Variants in PAX2 observed in about 807,000 individuals in gnomAD.
The protein encoded by PAX2 is paired box protein Pax-2.
A neutral mutation model predicts 41.7 loss-of-function variants in PAX2; 9 were observed. The ratio of observed to expected loss-of-function variants is 0.22; its 90% CI spans 0.13 to 0.38. The LOEUF is 0.38. PAX2 is among the 10% of genes least tolerant of loss of function. The pLI, the probability that PAX2 is intolerant of heterozygous loss-of-function variation, is 1.00. For missense variants in PAX2, 418 were observed against 531.6 expected (o/e 0.79, Z 2.10); for synonymous variants, 221 against 212.7 (o/e 1.04, Z -0.34).
intron 7 of PAX2, among the ~76,000 whole-genome samples, chr10:100,810,660 A>G (rs944731233): frequency 2.6e-5 from 4 of 152,230 alleles, no homozygotes; most frequent in Admixed American, 2.6e-4. Context: ...CACTTCCCAA[A>G]GATGGCCACT....
rs1845158221 is a variant in PAX2 at position 100,746,110 on chromosome 10, C to T, written c.-151C>T. 2.6e-6 allele frequency: 4 copies of T among 1,531,744 alleles called. No homozygotes were observed. The highest frequency in any genetic ancestry group is 3.5e-6 in the Non-Finnish European group (4 of 1,143,074). The allele number at this position is 1,531,744 out of a possible 1,614,324, so 94.9% of individuals were successfully genotyped here. A position where few individuals can be genotyped will look rare whatever the true frequency, so the allele number is the denominator to read the frequency against. The stretch of plus-strand genomic sequence containing the variant: ...AGCCCCAGCGGGGAGCGCAGTGCTG[C>T]GCCCCCCGCCCCCGCGCGCCCCGCA... On this transcript the variant is annotated 5_prime_UTR_variant, in exon 1 of 10. Transcript: ENST00000355243.
rs1278790529 is a variant in PAX2, at chr10:100,828,740, C to T, written c.*1121C>T. On this transcript the variant is annotated 3_prime_UTR_variant, in exon 10 of 10. Transcript: ENST00000355243. This position sits in a 1 kb window ranked among gnomAD's most constrained non-coding sequence, Gnocchi z 6.5. Reference sequence around the variant, plus strand: ...CTGCCCACTCCACTCCTCCCATCCCCTCCCAGCCTCCTCCTCCGGCAGGAA... The same window carrying T: ...CTGCCCACTCCACTCCTCCCATCCCTTCCCAGCCTCCTCCTCCGGCAGGAA... 1.7e-5 allele frequency: 4 copies of T among 233,558 alleles called. No homozygotes were observed. In the East Asian group the frequency reaches 2.4e-4, roughly 14 times the overall value. 14.5% of individuals were successfully genotyped at this position (233,558 alleles called of 1,614,324 possible). A position where few individuals can be genotyped will look rare whatever the true frequency, so the allele number is the denominator to read the frequency against.
intron 3 of PAX2, among the ~76,000 whole-genome samples, chr10:100,757,306 G>A (rs1845669145): frequency 6.6e-6 from 1 of 152,228 alleles, no homozygotes; most frequent in Admixed American, 6.5e-5. Context: ...AGATCAATTG[G>A]CAAGTAGTCA....
rs778923367 is a variant in PAX2 at position 100,824,685 on chromosome 10, C to T, written c.957C>T (p.Pro319=). 2 of 1,610,768 alleles carry T rather than the reference C, an allele frequency of 1.2e-6. No homozygotes were observed. The highest frequency in any genetic ancestry group is 1.7e-6 in the Non-Finnish European group (2 of 1,176,950). ...CGAGCACCACTCTGCCTGGTTACCC[C>T]CCTCACGTGCCCCCCACTGGCCAGG... is the stretch of plus-strand genomic sequence containing the variant. ...DMASTTLPGY[P]PHVPPTGQGS... Residue 319 remains proline (P), a synonymous_variant, in exon 8 of 10, where the codon CCC becomes CCT. Transcript: ENST00000355243. This position sits in a 1 kb window ranked among gnomAD's most constrained non-coding sequence, Gnocchi z 6.6.
At chr10:100,786,911 C>T (rs1458861636) in intron 5 of PAX2, 1 of 1,310,570 alleles carries the variant, frequency 7.6e-7, no homozygotes. Context: ...TTCGGGATCT[C>T]TCAGTGTTTG....
chr10:100,795,620 G>A (rs1024733132), intron 5 of PAX2, among the ~76,000 whole-genome samples: 5 of 152,222 alleles, frequency 3.3e-5, no homozygotes, highest in Non-Finnish European at 7.3e-5. Flanking sequence ...TCCAGAGCCT[G>A]ATCCTGAATT....
At chr10:100,766,994 G>T (rs1313465600) in intron 3 of PAX2, among the ~76,000 whole-genome samples, 1 of 152,178 alleles carries the variant, frequency 6.6e-6, no homozygotes, top group Non-Finnish European at 1.5e-5. Flanking sequence ...CTCCAACTCA[G>T]TGTTACACAA....
At chr10:100,816,872 C>T (rs1848203631) in intron 7 of PAX2, among the ~76,000 whole-genome samples, 1 of 152,178 alleles carries the variant, frequency 6.6e-6, no homozygotes, top group East Asian at 1.9e-4. Context: ...GGAGAACAGC[C>T]TAATGCTGCA....
chr10:100,787,932 C>T (rs958857172), intron 5 of PAX2, among the ~76,000 whole-genome samples: 3 of 151,948 alleles, frequency 2.0e-5, no homozygotes, highest in African/African-American at 7.3e-5. Context: ...TGTTCCACTC[C>T]ACAGCTATCT....
chr10:100,780,740 CCA>C (rs1227726162), intron 4 of PAX2, among the ~76,000 whole-genome samples: 3 of 152,138 alleles, frequency 2.0e-5, no homozygotes, highest in Non-Finnish European at 4.4e-5. Context: ...TCTTAGAAAG[CCA>C]CAGACTCTAA....
At position 100,823,524 on chromosome 10, in the gene PAX2, C is replaced by T. The variant is rs139684154; in HGVS notation, c.920-1124C>T. On this transcript the variant is annotated intron_variant, in intron 7 of 9. Coordinates refer to ENST00000355243, the MANE Select transcript of PAX2 (RefSeq NM_000278.5). ...GCCCAGCTGATGAAAAGAAAGTGAA[C>T]GGGCCCAGGTATGCATAGTTCTGTT... Among the ~76,000 whole-genome samples, 20 of 152,158 alleles carry T rather than the reference C, an allele frequency of 1.3e-4. No individual in the cohort carries two copies. The East Asian group carries it at 3.7e-3, about 28-fold the overall frequency.
rs368829432 is a variant in PAX2, at chr10:100,824,196, G to A, written c.920-452G>A. Among the ~76,000 whole-genome samples the A allele has an allele frequency of 5.9e-5, 9 of 152,218 alleles. No individual in the cohort carries two copies. The East Asian group carries it at 1.7e-3, about 29-fold the overall frequency. On this transcript the variant is annotated intron_variant, in intron 7 of 9. Coordinates refer to ENST00000355243, the MANE Select transcript of PAX2 (RefSeq NM_000278.5). This position sits in a 1 kb window ranked among gnomAD's most constrained non-coding sequence, Gnocchi z 6.6. ...TCCAAGCCTGAAGGAAAGATGGGGTGTTAGGGAGAGGAAAGATAAGCAAGA... is the reference window on the plus strand; with the variant it reads ...TCCAAGCCTGAAGGAAAGATGGGGTATTAGGGAGAGGAAAGATAAGCAAGA...
chr10:100,747,987 A>G lies in PAX2; in HGVS notation c.43+1684A>G, dbSNP rs533033731. On this transcript the variant is annotated intron_variant, in intron 1 of 9. Transcript: ENST00000355243. Reference sequence around the variant, plus strand: ...GGCCAAGCAGAGGTCGGAGGGAGAGAGCCGCAGCGCGGGCCCGCGGGCCGG... The same window carrying G: ...GGCCAAGCAGAGGTCGGAGGGAGAGGGCCGCAGCGCGGGCCCGCGGGCCGG... The G allele has an allele frequency of 2.8e-4, 278 of 982,854 alleles. 1 individual carries two copies. Among genetic ancestry groups the G allele is most frequent in the Admixed American group, 1.7e-3 (28 of 16,114 alleles). 60.9% of individuals were successfully genotyped at this position (982,854 alleles called of 1,614,324 possible). A position where few individuals can be genotyped will look rare whatever the true frequency, so the allele number is the denominator to read the frequency against.
intron 5 of PAX2, among the ~76,000 whole-genome samples, chr10:100,796,679 G>A (rs1170146857): frequency 6.6e-6 from 1 of 152,206 alleles, no homozygotes. Context: ...CCAGCATGGA[G>A]CATTTTGCTT....
intron 7 of PAX2, among the ~76,000 whole-genome samples, chr10:100,813,938 C>T (rs1848092367): frequency 1.3e-5 from 2 of 152,124 alleles, no homozygotes; most frequent in South Asian, 4.1e-4. Flanking sequence ...TGAATACAAA[C>T]TTTCAAAAGG....
chr10:100,735,771 G>A, intron 1 of PAX2: 1 of 1,026,436 alleles, frequency 9.7e-7, no homozygotes, highest in Non-Finnish European at 1.2e-6. Flanking sequence ...CGCAGGCGAG[G>A]ACTAGGGGAG....
In PAX2 at chr10:100,806,422, T is replaced by C. The variant is rs757754709; in HGVS notation, c.617-8T>C. ...CGCTAACGCCCCGAGTGTCCATGTG[T>C]TCTCCAGATGTGTCTGAGGGCTCAG... is the stretch of plus-strand genomic sequence containing the variant. On this transcript the variant is annotated splice_region_variant and splice_polypyrimidine_tract_variant and intron_variant, in intron 5 of 9. Coordinates refer to ENST00000355243, the MANE Select transcript of PAX2 (RefSeq NM_000278.5). 6.2e-7 allele frequency: 1 copy of C among 1,614,162 alleles called. No individual in the cohort carries two copies. The highest frequency in any genetic ancestry group is 8.5e-7 in the Non-Finnish European group (1 of 1,179,972).
intron 6 of PAX2, among the ~76,000 whole-genome samples, chr10:100,806,901 A>T (rs1233675770): frequency 6.6e-6 from 1 of 152,126 alleles, no homozygotes; most frequent in Non-Finnish European, 1.5e-5. Flanking sequence ...AAGGGCTTGG[A>T]TGTAGGGTTT....
intron 5 of PAX2, among the ~76,000 whole-genome samples, chr10:100,788,262 C>A (rs570573700): frequency 5.0e-4 from 76 of 152,336 alleles, no homozygotes; most frequent in Admixed American, 8.5e-4. Context: ...TGGCCGCCCG[C>A]GATCGCCTCC....
Sources: allele counts gnomAD v4.1 joint callset (sites outside exome capture counted in the v4.1 genomes callset), GRCh38; gene constraint gnomAD v4.1.1; non-coding constraint Gnocchi (gnomAD v3.1); transcripts MANE v1.5; gene names NCBI Gene and HGNC (gene_info 2026-07-23, HGNC 2026-07-21).